ZFYVE9: variants seen among roughly 807,000 people sequenced by gnomAD.
ZFYVE9 encodes the protein zinc finger FYVE-type containing 9.
A neutral mutation model predicts 126.7 loss-of-function variants in ZFYVE9; 43 were observed. The ratio of observed to expected loss-of-function variants is 0.34; its 90% confidence interval spans 0.27 to 0.44. The LOEUF (loss-of-function observed/expected upper bound fraction) is 0.44, where lower values mean the gene tolerates loss of function less well. Among genes scored for constraint, ZFYVE9 ranks in the 20% least tolerant of loss-of-function variants. ZFYVE9 has a pLI of 1.00. For synonymous variants in ZFYVE9, 521 were observed against 597.4 expected (o/e 0.87, Z 1.87); for missense variants, 1,476 against 1,697.0 (o/e 0.87, Z 2.29).
chr1:52,182,764 A>G (rs1005323244), intron 1 of ZFYVE9, among the ~76,000 whole-genome samples: 1 of 135,726 alleles, frequency 7.4e-6, no homozygotes, highest in African/African-American at 3.7e-5. Context: ...AAAATAAAAA[A>G]TAAAAAAAAA....
chr1:52,181,349 T>C (rs1415295026), intron 1 of ZFYVE9, among the ~76,000 whole-genome samples: 1 of 152,210 alleles, frequency 6.6e-6, no homozygotes, highest in Non-Finnish European at 1.5e-5. Flanking sequence ...CCTCCCGAGG[T>C]GCTGGGATTG....
chr1:52,200,340 G>C (rs1644911849), intron 1 of ZFYVE9, among the ~76,000 whole-genome samples: 1 of 151,488 alleles, frequency 6.6e-6, no homozygotes, highest in African/African-American at 2.4e-5. Context: ...TACCATGCCT[G>C]GCTAATTTTT....
intron 16 of ZFYVE9, 137 bp downstream of exon 16, chr1:52,338,071 T>C: frequency 8.8e-7 from 1 of 1,141,616 alleles, no homozygotes; most frequent in Non-Finnish European, 1.2e-6. Flanking sequence ...ATGCTTAACG[T>C]AGAATTTTAA....
At chr1:52,322,142 C>T (rs559068952) in intron 13 of ZFYVE9, among the ~76,000 whole-genome samples, 1 of 152,258 alleles carries the variant, frequency 6.6e-6, no homozygotes, top group Non-Finnish European at 1.5e-5. Context: ...TTCCAGTTAC[C>T]CAAGCCCAAA....
chr1:52,273,797 C>T (rs955814109), intron 7 of ZFYVE9, among the ~76,000 whole-genome samples: 16 of 128,626 alleles, frequency 1.2e-4, no homozygotes, highest in Admixed American at 4.7e-4. Context: ...CCAGCCTGGG[C>T]GATAGAGTGA....
intron 1 of ZFYVE9, among the ~76,000 whole-genome samples, chr1:52,191,880 C>A (rs897864608): frequency 3.3e-5 from 5 of 151,994 alleles, no homozygotes; most frequent in Non-Finnish European, 7.4e-5. Context: ...ATCCAGAGAC[C>A]CAAAAGCTGT....
chr1:52,203,547 GT>G (rs200266788), intron 1 of ZFYVE9, among the ~76,000 whole-genome samples: 3 of 144,528 alleles, frequency 2.1e-5, no homozygotes, highest in Admixed American at 7.0e-5. Flanking sequence ...CTATGTATAG[GT>G]TTTTTTTGGC....
chr1:52,222,334 G>A (rs1279748672), intron 2 of ZFYVE9, among the ~76,000 whole-genome samples: 1 of 152,212 alleles, frequency 6.6e-6, no homozygotes, highest in African/African-American at 2.4e-5. Context: ...TTCTATCAGA[G>A]TCAGGGTCCT....
At chr1:52,219,725 T>C (rs913782972) in intron 2 of ZFYVE9, among the ~76,000 whole-genome samples, 11 of 149,098 alleles carry the variant, frequency 7.4e-5, no homozygotes, top group Admixed American at 1.3e-4. Context: ...AGGCAGCCCA[T>C]AGAGCATTTC....
chr1:52,187,487 G>A (rs1412193470), intron 1 of ZFYVE9, among the ~76,000 whole-genome samples: 2 of 152,178 alleles, frequency 1.3e-5, no homozygotes, highest in African/African-American at 2.4e-5. Context: ...AAACTTAAGA[G>A]TTTCTGCACA....
chr1:52,259,397 T>A (rs1023054407), intron 4 of ZFYVE9, among the ~76,000 whole-genome samples: 1 of 152,072 alleles, frequency 6.6e-6, no homozygotes, highest in African/African-American at 2.4e-5. Context: ...ACTAATTTTT[T>A]TAAATTTTTT....
At chr1:52,209,009 C>T (rs759159635) in intron 1 of ZFYVE9, among the ~76,000 whole-genome samples, 30 of 152,294 alleles carry the variant, frequency 2.0e-4, no homozygotes, top group Non-Finnish European at 4.1e-4. Context: ...GTAGTGAGCA[C>T]ATGCTGTGTA....
intron 1 of ZFYVE9, among the ~76,000 whole-genome samples, chr1:52,211,825 A>G (rs147291074): frequency 5.5e-4 from 84 of 152,274 alleles, no homozygotes; most frequent in African/African-American, 1.9e-3. Flanking sequence ...TTTAAAATCT[A>G]TGGCCAGGAT....
intron 9 of ZFYVE9, among the ~76,000 whole-genome samples, chr1:52,281,133 T>C (rs1298691917): frequency 6.6e-6 from 1 of 151,028 alleles, no homozygotes; most frequent in Non-Finnish European, 1.5e-5. Context: ...TTCTTTTCTT[T>C]TCTTTTTTTT....
At chr1:52,274,393 T>C in intron 7 of ZFYVE9, 71 bp from the exon 8 acceptor site, 1 of 1,473,226 alleles carries the variant, frequency 6.8e-7, no homozygotes, top group South Asian at 1.5e-5. Context: ...TTCCCATTTG[T>C]ATTTTTAATT....
At chr1:52,170,875 A>G (rs1644561294) in intron 1 of ZFYVE9, among the ~76,000 whole-genome samples, 1 of 152,156 alleles carries the variant, frequency 6.6e-6, no homozygotes, top group Non-Finnish European at 1.5e-5. Flanking sequence ...GACCGAACAT[A>G]TGGTCTCTAC....
intron 13 of ZFYVE9, among the ~76,000 whole-genome samples, chr1:52,308,890 A>G (rs555464350): frequency 6.6e-6 from 1 of 152,230 alleles, no homozygotes; most frequent in Admixed American, 6.5e-5. Context: ...CAAACACCCT[A>G]GTACGGAGTG....
In ZFYVE9 at chr1:52,238,220, C is replaced by T. The variant is rs1645295057; in HGVS notation, c.803C>T (p.Ser268Leu). 6.2e-7 allele frequency: 1 copy of T among 1,614,046 alleles called. No homozygotes were observed. The highest frequency in any genetic ancestry group is 8.5e-7 in the Non-Finnish European group (1 of 1,179,966). Reference protein sequence around the residue: ...MSAITSLTVDSVISSQGTDGC... With the variant: ...MSAITSLTVDLVISSQGTDGC... The stretch of plus-strand genomic sequence containing the variant: ...GCGATTACAAGTTTAACGGTTGATT[C>T]AGTAATCTCATCCCAGGGAACAGAT... Residue 268 changes from serine to leucine, a missense_variant, in exon 4 of 19, where the codon TCA becomes TTA. Physicochemically the swap from Ser to Leu is moderately radical, Grantham distance 145. Transcript: ENST00000287727.
At chr1:52,310,043 C>A (rs1435500779) in intron 13 of ZFYVE9, among the ~76,000 whole-genome samples, 2 of 148,914 alleles carry the variant, frequency 1.3e-5, no homozygotes, top group Non-Finnish European at 3.0e-5. Context: ...GTGATCTCGG[C>A]TCACTGCAAC....
Sources: gnomAD v4.1 joint callset for allele counts (sites outside exome capture counted in the v4.1 genomes callset) on GRCh38, gnomAD v4.1.1 for gene constraint, MANE v1.5 for transcripts, NCBI Gene and HGNC (gene_info 2026-07-23, HGNC 2026-07-21) for gene names.